Variants in MEDAG observed in about 807,000 individuals in gnomAD.
MEDAG encodes the protein mesenteric estrogen dependent adipogenesis.
In MEDAG, 25 loss-of-function variants were observed where a neutral mutation model predicts 29.9. The observed-to-expected ratio is 0.84, with a 90% CI of 0.61 to 1.17. MEDAG has a LOEUF of 1.17. Ranked by LOEUF, MEDAG falls within the 50% of genes most tolerant of loss-of-function variation. The pLI, the probability that MEDAG is intolerant of heterozygous loss-of-function variation, is 0.00. For synonymous variants in MEDAG, 158 were observed against 148.2 expected, an observed-to-expected ratio of 1.07 and a Z score of -0.48; for missense variants, 398 against 372.9, an observed-to-expected ratio of 1.07 and a Z score of -0.56.
chr13:30,910,212 A>ACACG (rs1952869182), intron 1 of MEDAG, among the ~76,000 whole-genome samples: 1 of 151,820 alleles, frequency 6.6e-6, no homozygotes, highest in Non-Finnish European at 1.5e-5. Context: ...ACACACACAC[A>ACACG]CACACATGTT....
chr13:30,914,081 A>G (rs1029007768), intron 1 of MEDAG, among the ~76,000 whole-genome samples: 3 of 152,194 alleles, frequency 2.0e-5, no homozygotes, highest in Non-Finnish European at 2.9e-5. Context: ...AGAAGATCAA[A>G]TAACTAGTCC....
intron 1 of MEDAG, among the ~76,000 whole-genome samples, chr13:30,909,359 A>G (rs1447066934): frequency 6.6e-6 from 1 of 151,970 alleles, no homozygotes; most frequent in East Asian, 1.9e-4. Flanking sequence ...GGATTGCCCC[A>G]GCTTGTATTT....
At chr13:30,913,696 GATAA>G (rs768936975) in intron 1 of MEDAG, among the ~76,000 whole-genome samples, 1 of 152,106 alleles carries the variant, frequency 6.6e-6, no homozygotes, top group Admixed American at 6.5e-5. Context: ...CAGCAACTAT[GATAA>G]ATATTCAATA....
At chr13:30,910,407 T>C (rs1204938349) in intron 1 of MEDAG, among the ~76,000 whole-genome samples, 2 of 152,218 alleles carry the variant, frequency 1.3e-5, no homozygotes, top group Non-Finnish European at 2.9e-5. Flanking sequence ...ACAGCTACTA[T>C]CTCATAAAAG....
intron 1 of MEDAG, among the ~76,000 whole-genome samples, chr13:30,910,080 C>T (rs1326433257): frequency 6.6e-6 from 1 of 151,918 alleles, no homozygotes; most frequent in Non-Finnish European, 1.5e-5. Context: ...GGATTTTCGC[C>T]CATGTTGTAA....
Position 30,906,512 on chromosome 13 carries a change from G to T in MEDAG, c.-4G>T, listed in dbSNP as rs1344827941. The T allele has an allele frequency of 3.3e-6, 5 of 1,509,190 alleles. No homozygotes were observed. Among genetic ancestry groups the T allele is most frequent in the Non-Finnish European group, 4.4e-6 (5 of 1,136,274 alleles). The allele number at this position is 1,509,190 out of a possible 1,614,324, so 93.5% of individuals were successfully genotyped here. A position where few individuals can be genotyped will look rare whatever the true frequency, so the allele number is the denominator to read the frequency against. ...CAGGCGGTGTGAGGACCGACGACGC[G>T]GGCATGGCGGGGGCGGCCTGCGAGC... On this transcript the variant is annotated 5_prime_UTR_variant, in exon 1 of 5. Coordinates refer to ENST00000380482, the MANE Select transcript of MEDAG (RefSeq NM_032849.4).
At position 30,917,455 on chromosome 13, in the gene MEDAG, T is replaced by C. The variant is rs1370901757; in HGVS notation, c.331T>C (p.Leu111=). ...CDYKDYRETI[L]SKPMLFFINV... ...TTATAAAGACTACAGGGAAACTATATTGAGCAAACCAATGTTGTTCTTTAT... is the reference window on the plus strand; with the variant it reads ...TTATAAAGACTACAGGGAAACTATACTGAGCAAACCAATGTTGTTCTTTAT... The change falls in exon 2 of 5, where the codon TTG becomes CTG. Residue 111 remains leucine (L), a synonymous_variant. Coordinates refer to ENST00000380482, the MANE Select transcript of MEDAG (RefSeq NM_032849.4). The C allele has an allele frequency of 1.2e-5, 20 of 1,612,252 alleles. No individual in the cohort carries two copies. Among genetic ancestry groups the C allele is most frequent in the African/African-American group, 4.0e-5 (3 of 74,898 alleles).
At chr13:30,910,193 A>AACACAAACACAC (rs1952868703) in intron 1 of MEDAG, among the ~76,000 whole-genome samples, 4 of 149,170 alleles carry the variant, frequency 2.7e-5, no homozygotes, top group Non-Finnish European at 5.9e-5. Flanking sequence ...CACACACACA[A>AACACAAACACAC]ACACACACAC....
chr13:30,918,884 T>A (rs921740206), intron 2 of MEDAG, among the ~76,000 whole-genome samples: 2 of 152,196 alleles, frequency 1.3e-5, no homozygotes, highest in African/African-American at 4.8e-5. Flanking sequence ...CACGTGTTCT[T>A]TGGCTTGATT....
intron 1 of MEDAG, chr13:30,908,959 CA>C: frequency 6.6e-6 from 1 of 151,590 alleles, no homozygotes; most frequent in Non-Finnish European, 1.5e-5. Flanking sequence ...CTCCTGTCTA[CA>C]AAAATTAGCT....
Position 30,906,364 on chromosome 13 carries a change from G to A in MEDAG, c.-152G>A, listed in dbSNP as rs924271036. 43 of 793,444 alleles carry A rather than the reference G, an allele frequency of 5.4e-5. No homozygotes were observed. The highest frequency in any genetic ancestry group is 7.3e-5 in the Non-Finnish European group (42 of 574,344). The allele number at this position is 793,444 out of a possible 1,614,324, so 49.2% of individuals were successfully genotyped here. On this transcript the variant is annotated 5_prime_UTR_variant, in exon 1 of 5. Coordinates refer to ENST00000380482, the MANE Select transcript of MEDAG (RefSeq NM_032849.4). Reference sequence around the variant, plus strand: ...AGACTGGCACCTGAGCGGCCACCGCGTCCCGGCCAGGCGGGCAGACCGACC... The same window carrying A: ...AGACTGGCACCTGAGCGGCCACCGCATCCCGGCCAGGCGGGCAGACCGACC...
chr13:30,917,954 G>C (rs1028090869), intron 2 of MEDAG, among the ~76,000 whole-genome samples: 1 of 152,144 alleles, frequency 6.6e-6, no homozygotes, highest in Non-Finnish European at 1.5e-5. Context: ...ACTGGGCTGA[G>C]GTGTGGACTG....
chr13:30,921,902 A>G (rs560648437), intron 4 of MEDAG, 56 bp downstream of exon 4: 3 of 1,500,672 alleles, frequency 2.0e-6, no homozygotes, highest in Non-Finnish European at 2.7e-6. Flanking sequence ...AGGGTAGAGT[A>G]AAATAATGGA....
chr13:30,911,749 G>C (rs903129617), intron 1 of MEDAG, among the ~76,000 whole-genome samples: 3 of 152,174 alleles, frequency 2.0e-5, no homozygotes, highest in African/African-American at 7.2e-5. Flanking sequence ...CAGTTTGCAA[G>C]CCTATGAATA....
chr13:30,924,206 C>G (rs191780350), intron 4 of MEDAG, 105 bp from the exon 5 acceptor site: 2 of 1,209,358 alleles, frequency 1.7e-6, no homozygotes, highest in African/African-American at 3.1e-5. Flanking sequence ...CCAGGATTCT[C>G]TATTAATTAT....
At chr13:30,916,450 C>G (rs1214125123) in intron 1 of MEDAG, 1 of 152,282 alleles carries the variant, frequency 6.6e-6, no homozygotes, top group East Asian at 1.9e-4. Context: ...TAGCAAAAGG[C>G]AGCCCGCGCG....
Position 30,906,530 on chromosome 13 carries a change from C to A in MEDAG, c.15C>A (p.Ala5=). 6.6e-7 allele frequency: 1 copy of A among 1,514,128 alleles called. No individual in the cohort carries two copies. The highest frequency in any genetic ancestry group is 8.8e-7 in the Non-Finnish European group (1 of 1,139,126). 93.8% of individuals were successfully genotyped at this position (1,514,128 alleles called of 1,614,324 possible). A position where few individuals can be genotyped will look rare whatever the true frequency, so the allele number is the denominator to read the frequency against. MAGA[A]CEPVARPSLT... ...ACGACGCGGGCATGGCGGGGGCGGC[C>A]TGCGAGCCGGTGGCCAGGCCGAGCC... Residue 5 remains alanine (A), a synonymous_variant, in exon 1 of 5, where the codon GCC becomes GCA. Coordinates refer to ENST00000380482, the MANE Select transcript of MEDAG (RefSeq NM_032849.4).
intron 1 of MEDAG, among the ~76,000 whole-genome samples, chr13:30,908,334 A>T (rs186005735): frequency 6.6e-6 from 1 of 152,248 alleles, no homozygotes; most frequent in Non-Finnish European, 1.5e-5. Flanking sequence ...CTATCATTGT[A>T]TAAGCAATAC....
At position 30,921,038 on chromosome 13, in the gene MEDAG, A is replaced by T. The variant is rs754712447; in HGVS notation, c.413A>T (p.Asn138Ile). The change falls in exon 3 of 5, where the codon AAC (asparagine) becomes ATC (isoleucine). Residue 138 changes from asparagine (N) to isoleucine (I), a missense_variant. Asn to Ile is a moderately radical substitution (Grantham distance 149, BLOSUM62 -3). Coordinates refer to ENST00000380482, the MANE Select transcript of MEDAG (RefSeq NM_032849.4). ...SKERTYAFLV[N>I]TRHPKIRRQI... is the part of the protein sequence containing the mutation. The stretch of plus-strand genomic sequence containing the variant: ...GAAAGGACGTACGCGTTTCTTGTAA[A>T]CACGAGGCACCCCAAGATAAGAAGA... 1.2e-5 allele frequency: 20 copies of T among 1,613,904 alleles called. No homozygotes were observed. Among genetic ancestry groups the T allele is most frequent in the Non-Finnish European group, 1.6e-5 (19 of 1,179,926 alleles).
Sources: gnomAD v4.1 joint callset for allele counts (sites outside exome capture counted in the v4.1 genomes callset) on GRCh38, gnomAD v4.1.1 for gene constraint, MANE v1.5 for transcripts, NCBI Gene and HGNC (gene_info 2026-07-23, HGNC 2026-07-21) for gene names.